The following CHD1L variants were observed in gnomAD, a reference collection of about 807,000 sequenced individuals.
CHD1L encodes chromodomain helicase DNA binding protein 1 like.
In CHD1L, 118 loss-of-function variants were observed where a neutral mutation model predicts 115.9. The observed-to-expected ratio is 1.02, with a 90% CI of 0.88 to 1.19. CHD1L has a LOEUF of 1.19. Among genes scored for constraint, CHD1L ranks in the 50% most tolerant of loss-of-function variants. The pLI, the probability that CHD1L is intolerant of heterozygous loss-of-function variation, is 0.00. For missense variants in CHD1L, 1,179 were observed against 1,065.3 expected (o/e 1.11, Z -1.49); for synonymous variants, 411 against 387.1 (o/e 1.06, Z -0.72).
At chr1:147,198,889 G>C in the CHD1L span, among the ~76,000 whole-genome samples, 1 of 149,544 alleles carries the variant, frequency 6.7e-6, no homozygotes, top group Non-Finnish European at 1.5e-5. Flanking sequence ...AGAAAGATGG[G>C]CCTGAAATTG....
intron 14 of CHD1L, 46 bp from the exon 15 acceptor site, chr1:147,279,980 T>G (rs782744966): frequency 1.2e-6 from 2 of 1,605,372 alleles, no homozygotes; most frequent in Non-Finnish European, 1.7e-6. Context: ...TCCTAATGTT[T>G]CTTTTCATGA....
chr1:147,216,728 G>A, the CHD1L span, among the ~76,000 whole-genome samples: 1 of 152,182 alleles, frequency 6.6e-6, no homozygotes, highest in Non-Finnish European at 1.5e-5. Context: ...AGTATGGTCT[G>A]TAGACTAGCA....
chr1:147,261,462 T>C (rs1571791716), intron 6 of CHD1L, among the ~76,000 whole-genome samples: 1 of 151,784 alleles, frequency 6.6e-6, no homozygotes, highest in East Asian at 1.9e-4. Flanking sequence ...TCTTATGAAC[T>C]AACCACCTCT....
chr1:147,197,214 G>A, the CHD1L span, among the ~76,000 whole-genome samples: 1 of 152,108 alleles, frequency 6.6e-6, no homozygotes, highest in Non-Finnish European at 1.5e-5. Context: ...TGCATAAACA[G>A]TAGTGATTAT....
At chr1:147,279,763 C>T (rs1680073269) in intron 14 of CHD1L, among the ~76,000 whole-genome samples, 1 of 152,008 alleles carries the variant, frequency 6.6e-6, no homozygotes, top group Non-Finnish European at 1.5e-5. Flanking sequence ...AAATTGGAGG[C>T]TTATACATTT....
At chr1:147,279,651 G>T (rs1226060683) in intron 14 of CHD1L, among the ~76,000 whole-genome samples, 1 of 152,192 alleles carries the variant, frequency 6.6e-6, no homozygotes, top group Non-Finnish European at 1.5e-5. Flanking sequence ...TTGGAAAGTA[G>T]CTAACAGGGT....
intron 10 of CHD1L, among the ~76,000 whole-genome samples, chr1:147,269,467 G>A (rs1403807541): frequency 6.6e-6 from 1 of 151,826 alleles, no homozygotes; most frequent in Non-Finnish European, 1.5e-5. Flanking sequence ...TCAAGAGATC[G>A]AGACCATCTT....
At chr1:147,212,560 T>C in the CHD1L span, 1 of 1,605,340 alleles carries the variant, frequency 6.2e-7, no homozygotes, top group Non-Finnish European at 8.5e-7. Context: ...AAAATAATTA[T>C]TGGGTAATGG....
the CHD1L span, chr1:147,212,280 C>T: frequency 9.3e-7 from 1 of 1,076,296 alleles, no homozygotes; most frequent in African/African-American, 1.6e-5. Flanking sequence ...TTGCCACTGG[C>T]ACTGAAGGGC....
chr1:147,196,279 A>G, the CHD1L span, among the ~76,000 whole-genome samples: 3 of 152,150 alleles, frequency 2.0e-5, no homozygotes, highest in African/African-American at 4.8e-5. Context: ...AGCCATGGGA[A>G]TTATTATTTA....
chr1:147,202,229 A>T, the CHD1L span, among the ~76,000 whole-genome samples: 1 of 151,802 alleles, frequency 6.6e-6, no homozygotes, highest in Admixed American at 6.6e-5. Flanking sequence ...GTTGGTGCAA[A>T]AGTAATTGCT....
chr1:147,175,819 G>C, the CHD1L span: 3 of 151,836 alleles, frequency 2.0e-5, no homozygotes, highest in African/African-American at 7.3e-5. Context: ...AGAATAACTC[G>C]ATACATACAA....
At position 147,295,448 on chromosome 1, in the gene CHD1L, G is replaced by A. The variant is rs782231915; in HGVS notation, c.2633G>A (p.Ser878Asn). 4.3e-6 allele frequency: 7 copies of A among 1,610,656 alleles called. No homozygotes were observed. Among genetic ancestry groups the A allele is most frequent in the Non-Finnish European group, 5.9e-6 (7 of 1,177,752 alleles). The change falls in exon 23 of 23, where the codon AGC (serine) becomes AAC (asparagine). Residue 878 changes from serine (S) to asparagine (N), a missense_variant. Physicochemically the swap from Ser to Asn is conservative, Grantham distance 46. Transcript: ENST00000369258. ...IPTYIYYFPR[S>N]KSAVLHSQSS... is the part of the protein sequence containing the mutation. ...CTTATCAGATATTATTTTCCTAGAA[G>A]CAAGTCTGCTGTCCTTCATTCACAG...
At chr1:147,203,976 C>A in the CHD1L span, 1 of 1,214,660 alleles carries the variant, frequency 8.2e-7, no homozygotes, top group Non-Finnish European at 1.2e-6. Context: ...CTTCGGACAT[C>A]CCATTTTGAG....
At chr1:147,280,341 A>G (rs1292202495) in intron 15 of CHD1L, 150 bp downstream of exon 15, 1 of 780,522 alleles carries the variant, frequency 1.3e-6, no homozygotes, top group Non-Finnish European at 1.8e-6. Flanking sequence ...GACTTGCTTG[A>G]TAAAAGAACG....
At chr1:147,197,499 TG>T in the CHD1L span, among the ~76,000 whole-genome samples, 1 of 152,052 alleles carries the variant, frequency 6.6e-6, no homozygotes. Context: ...AGGGGCCTGG[TG>T]GGAGGTGATT....
the CHD1L span, among the ~76,000 whole-genome samples, chr1:147,236,847 A>T: frequency 2.0e-5 from 3 of 152,232 alleles, no homozygotes. Flanking sequence ...AGGCACCCAG[A>T]TAAAACACAA....
chr1:147,190,222 T>G, the CHD1L span: 4 of 1,611,562 alleles, frequency 2.5e-6, no homozygotes, highest in Non-Finnish European at 3.4e-6. Flanking sequence ...TGCCATCATT[T>G]CACTCTGTGA....
chr1:147,243,011 C>A (rs1665272471), intron 1 of CHD1L, 181 bp downstream of exon 1: 1 of 711,440 alleles, frequency 1.4e-6, no homozygotes, highest in Non-Finnish European at 1.9e-6. Flanking sequence ...CCACGGCCCC[C>A]GCCTGCGCGG....
Sources: gnomAD v4.1 joint callset for allele counts (sites outside exome capture counted in the v4.1 genomes callset) on GRCh38, gnomAD v4.1.1 for gene constraint, MANE v1.5 for transcripts, NCBI Gene and HGNC (gene_info 2026-07-23, HGNC 2026-07-21) for gene names.